The following PTH2R variants were observed in gnomAD, a reference collection of about 807,000 sequenced individuals.
The protein encoded by PTH2R is parathyroid hormone 2 receptor.
Under a neutral mutation model 60.3 loss-of-function variants are expected in PTH2R, and 59 were observed. The observed-to-expected ratio is 0.98, with a 90% confidence interval of 0.79 to 1.22. The LOEUF (loss-of-function observed/expected upper bound fraction) is 1.22, where lower values mean the gene tolerates loss of function less well. PTH2R is among the 50% of genes most tolerant of loss of function. The pLI is 0.00. For missense variants in PTH2R, 749 were observed against 682.6 expected (o/e 1.10, Z -1.08); for synonymous variants, 256 against 243.8 (o/e 1.05, Z -0.47).
At chr2:208,405,265 C>T (rs981034235), upstream of PTH2R, among the ~76,000 whole-genome samples, 1 of 151,866 alleles carries the variant, frequency 6.6e-6, no homozygotes, top group African/African-American at 2.4e-5. Flanking sequence ...TAGAAAAGAA[C>T]TAGAAAAAAG....
intron 10 of PTH2R, among the ~76,000 whole-genome samples, chr2:208,482,842 C>T (rs1258927649): frequency 6.6e-6 from 1 of 152,142 alleles, no homozygotes; most frequent in East Asian, 1.9e-4. Context: ...ACAAGGGTCG[C>T]TTTCCATTCC....
chr2:208,427,320 A>T (rs1701876329), intron 1 of PTH2R, among the ~76,000 whole-genome samples: 1 of 152,308 alleles, frequency 6.6e-6, no homozygotes. Flanking sequence ...TGCCATGCCC[A>T]CTCAGAGACT....
intron 1 of PTH2R, among the ~76,000 whole-genome samples, chr2:208,411,280 A>G (rs1404333245): frequency 6.6e-6 from 1 of 152,226 alleles, no homozygotes; most frequent in Admixed American, 6.5e-5. Context: ...TGGAAACTCA[A>G]CATTTGATTA....
chr2:208,469,628 T>C (rs1407003172), intron 9 of PTH2R, among the ~76,000 whole-genome samples: 1 of 152,200 alleles, frequency 6.6e-6, no homozygotes, highest in Non-Finnish European at 1.5e-5. Flanking sequence ...CATTGTTGTT[T>C]TCTGTTTTGT....
intron 4 of PTH2R, among the ~76,000 whole-genome samples, chr2:208,441,774 A>T (rs1702189063): frequency 2.0e-5 from 3 of 152,210 alleles, no homozygotes; most frequent in African/African-American, 7.2e-5. Flanking sequence ...CATATGATCA[A>T]ATGACATAGA....
intron 8 of PTH2R, among the ~76,000 whole-genome samples, chr2:208,454,623 T>C (rs1413957028): frequency 1.3e-5 from 2 of 152,232 alleles, no homozygotes; most frequent in Admixed American, 6.5e-5. Context: ...CCACCCAGCC[T>C]GTGGTATTTT....
At chr2:208,463,686 A>G (rs1430918415) in intron 9 of PTH2R, among the ~76,000 whole-genome samples, 2 of 152,204 alleles carry the variant, frequency 1.3e-5, no homozygotes, top group African/African-American at 4.8e-5. Context: ...CTCCAGGTAG[A>G]TTTCTCCTAC....
At chr2:208,408,128 A>G (rs1320583468) in intron 1 of PTH2R, among the ~76,000 whole-genome samples, 1 of 152,254 alleles carries the variant, frequency 6.6e-6, no homozygotes, top group Non-Finnish European at 1.5e-5. Flanking sequence ...GTGCCACGCT[A>G]AAAGTGGGCT....
chr2:208,360,375 T>C (rs925330840), intron 1 of PTH2R: 5 of 307,090 alleles, frequency 1.6e-5, no homozygotes, highest in African/African-American at 1.1e-4. Context: ...CCCTGGCAGC[T>C]GGGATGAGGG....
upstream of PTH2R, among the ~76,000 whole-genome samples, chr2:208,406,475 C>G (rs888551237): frequency 6.6e-6 from 1 of 152,192 alleles, no homozygotes; most frequent in African/African-American, 2.4e-5. Flanking sequence ...CTTTAGCCAT[C>G]TTATCGCTGT....
intron 1 of PTH2R, among the ~76,000 whole-genome samples, chr2:208,385,832 A>G (rs1574827253): frequency 6.6e-6 from 1 of 152,240 alleles, no homozygotes; most frequent in Non-Finnish European, 1.5e-5. Flanking sequence ...AAGAAAATTT[A>G]TTGTCAAAAT....
At chr2:208,419,177 C>A (rs1338725790) in intron 1 of PTH2R, among the ~76,000 whole-genome samples, 1 of 152,208 alleles carries the variant, frequency 6.6e-6, no homozygotes, top group Non-Finnish European at 1.5e-5. Context: ...TCCTCTCCAG[C>A]ACCTGTTGTT....
intron 12 of PTH2R, among the ~76,000 whole-genome samples, chr2:208,492,065 C>A (rs1332451626): frequency 6.6e-6 from 1 of 152,178 alleles, no homozygotes; most frequent in East Asian, 1.9e-4. Context: ...CACTGCTTCC[C>A]ATGGAACTTC....
intron 1 of PTH2R, among the ~76,000 whole-genome samples, chr2:208,412,513 C>T (rs1241563381): frequency 2.0e-5 from 3 of 152,242 alleles, no homozygotes; most frequent in Admixed American, 6.5e-5. Context: ...GAGTGATAAT[C>T]ATTGGCTGAT....
chr2:208,433,714 A>G (rs1321209149), intron 2 of PTH2R, among the ~76,000 whole-genome samples: 2 of 152,240 alleles, frequency 1.3e-5, no homozygotes. Flanking sequence ...CAAGTACTTA[A>G]AAAACACAGA....
chr2:208,490,064 T>C (rs1179033224), intron 11 of PTH2R, among the ~76,000 whole-genome samples: 1 of 152,216 alleles, frequency 6.6e-6, no homozygotes, highest in Non-Finnish European at 1.5e-5. Flanking sequence ...ATTTCTTTTC[T>C]TGCATAACCC....
rs995248245 is a variant in PTH2R at position 208,442,360 on chromosome 2, G to A, written c.412-4G>A. On this transcript the variant is annotated splice_region_variant and splice_polypyrimidine_tract_variant and intron_variant, in intron 4 of 12. Transcript: ENST00000272847. ...ATCATACATGAGCATCTCTTCCCTT[G>A]CAGCAAGAATTCTTTGAACGCCTCT... 6.2e-7 allele frequency: 1 copy of A among 1,600,922 alleles called. No individual in the cohort carries two copies. Among genetic ancestry groups the A allele is most frequent in the Non-Finnish European group, 8.6e-7 (1 of 1,168,288 alleles).
At chr2:208,406,323 C>T (rs1020859899), upstream of PTH2R, among the ~76,000 whole-genome samples, 2 of 152,106 alleles carry the variant, frequency 1.3e-5, no homozygotes, top group African/African-American at 2.4e-5. Flanking sequence ...TTTTGACCCA[C>T]AAGAAATATA....
At chr2:208,362,238 T>A (rs1470850421) in intron 1 of PTH2R, among the ~76,000 whole-genome samples, 1 of 152,204 alleles carries the variant, frequency 6.6e-6, no homozygotes, top group Non-Finnish European at 1.5e-5. Flanking sequence ...TTGAATTGAA[T>A]TACAGCATGA....
Sources: allele counts gnomAD v4.1 joint callset (sites outside exome capture counted in the v4.1 genomes callset), GRCh38; gene constraint gnomAD v4.1.1; transcripts MANE v1.5; gene names NCBI Gene and HGNC (gene_info 2026-07-23, HGNC 2026-07-21).